Variants in PRPF19 observed in about 807,000 individuals in gnomAD.
The protein encoded by PRPF19 is pre-mRNA-processing factor 19.
A neutral mutation model predicts 64.2 loss-of-function variants in PRPF19; 2 were observed. The ratio of observed to expected loss-of-function variants is 0.03; its 90% CI spans 0.01 to 0.10. The LOEUF is 0.10. Among genes scored for constraint, PRPF19 ranks in the 10% least tolerant of loss-of-function variants. The pLI is 1.00. For synonymous variants in PRPF19, 226 were observed against 251.6 expected (o/e 0.90, Z 0.96); for missense variants, 314 against 650.0 (o/e 0.48, Z 5.62).
chr11:60,892,648 C>A (rs1167685424), intron 15 of PRPF19, among the ~76,000 whole-genome samples: 1 of 152,104 alleles, frequency 6.6e-6, no homozygotes, highest in African/African-American at 2.4e-5. Flanking sequence ...AAACAATACC[C>A]CAAAGTATGG....
At chr11:60,900,766 T>C in intron 9 of PRPF19, 75 bp from the exon 10 acceptor site, 1 of 1,587,962 alleles carries the variant, frequency 6.3e-7, no homozygotes, top group Non-Finnish European at 8.6e-7. Context: ...ATGCTTTTGT[T>C]CCCATGCCCA....
At position 60,906,491 on chromosome 11, in the gene PRPF19, G is replaced by T; in HGVS notation, c.-109C>A. On this transcript the variant is annotated 5_prime_UTR_variant, in exon 1 of 16. Coordinates refer to ENST00000227524, the MANE Select transcript of PRPF19 (RefSeq NM_014502.5). The stretch of plus-strand genomic sequence containing the variant: ...GCTGCTGCCGGGACTGCTCCGCGGC[G>T]AGCTGGGAGCCGCCAGCCGAGCGAT... The T allele has an allele frequency of 1.6e-6, 2 of 1,221,632 alleles. No homozygotes were observed. The highest frequency in any genetic ancestry group is 1.1e-6 in the Non-Finnish European group (1 of 877,666). The allele number at this position is 1,221,632 out of a possible 1,614,324, so 75.7% of individuals were successfully genotyped here. A position where few individuals can be genotyped will look rare whatever the true frequency, so the allele number is the denominator to read the frequency against.
chr11:60,901,092 C>T (rs1855979492), intron 8 of PRPF19, among the ~76,000 whole-genome samples, 163 bp from the exon 9 acceptor site: 1 of 152,210 alleles, frequency 6.6e-6, no homozygotes, highest in South Asian at 2.1e-4. Flanking sequence ...GGTACGGTAA[C>T]TCCCTCACTG....
rs756550190 is a variant in PRPF19, at chr11:60,898,282, G to A, written c.1141-11C>T. ...CACATTAGTACGTTCCTACAGTGGCGGTGGGTAGTAAAATACGTCACCCAC... is the reference window on the plus strand; with the variant it reads ...CACATTAGTACGTTCCTACAGTGGCAGTGGGTAGTAAAATACGTCACCCAC... On this transcript the variant is annotated splice_polypyrimidine_tract_variant and intron_variant, in intron 13 of 15. Transcript: ENST00000227524. The surrounding 1 kb of genome is among the most constrained non-coding windows in gnomAD (Gnocchi z 4.6). 106 of 1,611,778 alleles carry A rather than the reference G, an allele frequency of 6.6e-5. No homozygotes were observed. The highest frequency in any genetic ancestry group is 1.9e-4 in the South Asian group (17 of 90,852).
Position 60,891,215 on chromosome 11 carries a change from A to C in PRPF19, c.1466T>G (p.Phe489Cys). The C allele has an allele frequency of 6.2e-7, 1 of 1,613,358 alleles. No homozygotes were observed. The highest frequency in any genetic ancestry group is 8.5e-7 in the Non-Finnish European group (1 of 1,179,852). Reference protein sequence around the residue: ...TGVAFGHHAKFIASTGMDRSL... With the variant: ...TGVAFGHHAKCIASTGMDRSL... ...TCTGTCCATGCCTGTTGAAGCGATG[A>C]ACTTGGCGTGATGCCCGAAGGCCAC... Residue 489 changes from phenylalanine (F) to cysteine (C), a missense_variant, in exon 16 of 16, where the codon TTC becomes TGC. This residue lies in a region of PRPF19 where 47 missense variants were observed against 94.5 expected (regional missense o/e 0.50). Coordinates refer to ENST00000227524, the MANE Select transcript of PRPF19 (RefSeq NM_014502.5).
chr11:60,899,823 C>T (rs1464310829), intron 10 of PRPF19, among the ~76,000 whole-genome samples: 1 of 152,096 alleles, frequency 6.6e-6, no homozygotes, highest in Non-Finnish European at 1.5e-5. Context: ...GCGTCACTCA[C>T]CAATTTTTTG....
Position 60,898,471 on chromosome 11 carries a change from A to C in PRPF19, c.1140+70T>G. 6.2e-7 allele frequency: 1 copy of C among 1,610,222 alleles called. No homozygotes were observed. Among genetic ancestry groups the C allele is most frequent in the Non-Finnish European group, 8.5e-7 (1 of 1,178,152 alleles). On this transcript the variant is annotated intron_variant, in intron 13 of 15. Coordinates refer to ENST00000227524, the MANE Select transcript of PRPF19 (RefSeq NM_014502.5). The surrounding 1 kb of genome is among the most constrained non-coding windows in gnomAD (Gnocchi z 4.6). ...TCAGGGCCAGGTGCCACAAGCACCTAATTAGCACTGCATTGTCACAAACAC... is the reference window on the plus strand; with the variant it reads ...TCAGGGCCAGGTGCCACAAGCACCTCATTAGCACTGCATTGTCACAAACAC...
At chr11:60,904,750 T>A (rs751412235) in intron 1 of PRPF19, among the ~76,000 whole-genome samples, 22 of 152,222 alleles carry the variant, frequency 1.4e-4, no homozygotes, top group Non-Finnish European at 2.9e-4. Flanking sequence ...CCCCACATGT[T>A]CTGCTATACA....
rs752815136 is a variant in PRPF19, at chr11:60,902,716, G to A, written c.388+24C>T. On this transcript the variant is annotated intron_variant, in intron 4 of 15. Coordinates refer to ENST00000227524, the MANE Select transcript of PRPF19 (RefSeq NM_014502.5). This position sits in a 1 kb window ranked among gnomAD's most constrained non-coding sequence, Gnocchi z 5.0. ...ACAATGCAGAACCAGCCCAGGGTGG[G>A]GGATGGCAGGGGAGAGGCTGCACCT... 3.7e-6 allele frequency: 6 copies of A among 1,614,090 alleles called. No individual in the cohort carries two copies. Among genetic ancestry groups the A allele is most frequent in the South Asian group, 1.1e-5 (1 of 91,088 alleles).
Position 60,906,377 on chromosome 11 carries a change from G to T in PRPF19, c.6C>A (p.Ser2=). 6.3e-7 allele frequency: 1 copy of T among 1,598,480 alleles called. No individual in the cohort carries two copies. Among genetic ancestry groups the T allele is most frequent in the South Asian group, 1.1e-5 (1 of 89,136 alleles). Residue 2 remains serine (S), a synonymous_variant, in exon 1 of 16, where the codon TCC becomes TCA. Transcript: ENST00000227524. M[S]LICSISNEVP... ...GCCAACACTCACTGGAGCAGATTAG[G>T]GACATGGCGCCGTCACCGTGCTCCG...
chr11:60,903,998 C>A, intron 1 of PRPF19, 137 bp from the exon 2 acceptor site: 2 of 1,084,930 alleles, frequency 1.8e-6, no homozygotes, highest in African/African-American at 1.6e-5. Flanking sequence ...TGACCCTAAG[C>A]CAGTTCTGTA....
At chr11:60,904,669 A>T (rs555113) in intron 1 of PRPF19, among the ~76,000 whole-genome samples, 145,428 of 152,258 alleles carry the variant, frequency 0.96, 69,812 homozygotes, top group East Asian at 1. Flanking sequence ...GATGAAGAGG[A>T]GCATAGGATG....
intron 7 of PRPF19, 38 bp downstream of exon 7, chr11:60,901,461 G>A: frequency 6.2e-7 from 1 of 1,614,168 alleles, no homozygotes; most frequent in Non-Finnish European, 8.5e-7. Context: ...CCTCCCACCA[G>A]GCCAGCTCTT....
At chr11:60,900,954 C>T in intron 8 of PRPF19, 25 bp from the exon 9 acceptor site, 2 of 1,613,544 alleles carry the variant, frequency 1.2e-6, no homozygotes, top group Non-Finnish European at 1.7e-6. Context: ...ACACCAAACC[C>T]TGTCACGGCC....
At position 60,890,697 on chromosome 11, in the gene PRPF19, C is replaced by T; in HGVS notation, c.*469G>A. The T allele has an allele frequency of 2.2e-6, 1 of 455,004 alleles. No homozygotes were observed. Among genetic ancestry groups the T allele is most frequent in the East Asian group, 7.0e-5 (1 of 14,382 alleles). The allele number at this position is 455,004 out of a possible 1,614,324, so 28.2% of individuals were successfully genotyped here. A position where few individuals can be genotyped will look rare whatever the true frequency, so the allele number is the denominator to read the frequency against. On this transcript the variant is annotated 3_prime_UTR_variant, in exon 16 of 16. Coordinates refer to ENST00000227524, the MANE Select transcript of PRPF19 (RefSeq NM_014502.5). ...TTGACCTTCCCAGTCCCAGGTGCTC[C>T]TGGTGCAGACAGACACGGGGAGGTG...
In PRPF19 at chr11:60,903,893, G is replaced by A. The variant is rs753280603; in HGVS notation, c.20-32C>T. ...AGAAAAGGCTGGTAGTGAGCTTGGA[G>A]TGAAGGCAATCTTGGGCCTAGAGGA... On this transcript the variant is annotated intron_variant, in intron 1 of 15. Transcript: ENST00000227524. 11 of 1,599,444 alleles carry A rather than the reference G, an allele frequency of 6.9e-6. No individual in the cohort carries two copies. In the South Asian group the frequency reaches 1.2e-4, roughly 18 times the overall value.
Position 60,898,974 on chromosome 11 carries a change from G to A in PRPF19, c.985-43C>T, listed in dbSNP as rs1433480116. ...GACAATGGAGTCAGTGAGAAAGTGG[G>A]TCCCAGGTTCTGGTGGCCCTTCAGC... is the stretch of plus-strand genomic sequence containing the variant. On this transcript the variant is annotated intron_variant, in intron 11 of 15. Transcript: ENST00000227524. This position sits in a 1 kb window ranked among gnomAD's most constrained non-coding sequence, Gnocchi z 4.6. The A allele has an allele frequency of 5.2e-6, 8 of 1,543,278 alleles. No individual in the cohort carries two copies. The highest frequency in any genetic ancestry group is 7.0e-6 in the Non-Finnish European group (8 of 1,136,202).
chr11:60,905,390 T>G (rs1219534838), intron 1 of PRPF19: 1 of 151,968 alleles, frequency 6.6e-6, no homozygotes, highest in African/African-American at 2.4e-5. Context: ...TTCTTCAAAG[T>G]GAGGGATTCC....
In PRPF19 at chr11:60,902,540, C is replaced by T. The variant is rs1488288117; in HGVS notation, c.462+43G>A. On this transcript the variant is annotated intron_variant, in intron 5 of 15. Coordinates refer to ENST00000227524, the MANE Select transcript of PRPF19 (RefSeq NM_014502.5). This position sits in a 1 kb window ranked among gnomAD's most constrained non-coding sequence, Gnocchi z 5.0. ...TGCATAAGGACAGTTCTGTGGGCCA[C>T]TGTACACAAATGGGCTGCTGGTAAG... is the stretch of plus-strand genomic sequence containing the variant. 1 of 1,607,242 alleles carries T rather than the reference C, an allele frequency of 6.2e-7. No homozygotes were observed. Among genetic ancestry groups the T allele is most frequent in the Non-Finnish European group, 8.5e-7 (1 of 1,173,724 alleles).
Sources: allele counts gnomAD v4.1 joint callset (sites outside exome capture counted in the v4.1 genomes callset), GRCh38; gene constraint gnomAD v4.1.1; regional missense constraint gnomAD v4.1.1; non-coding constraint Gnocchi (gnomAD v3.1); transcripts MANE v1.5; gene names NCBI Gene and HGNC (gene_info 2026-07-23, HGNC 2026-07-21).